The following ZZEF1 variants were observed in gnomAD, a reference collection of about 807,000 sequenced individuals.
ZZEF1 encodes the protein zinc finger ZZ-type and EF-hand domain-containing protein 1.
Under a neutral mutation model 342.8 loss-of-function variants are expected in ZZEF1, and 157 were observed. That is an observed-to-expected ratio of 0.46 (90% CI 0.40 to 0.52). The LOEUF (loss-of-function observed/expected upper bound fraction) is 0.52. Ranked by LOEUF, ZZEF1 falls within the 20% of genes least tolerant of loss-of-function variation. The pLI is 0.00. For missense variants in ZZEF1, 3,480 were observed against 3,725.6 expected, an observed-to-expected ratio of 0.93 and a Z score of 1.72; for synonymous variants, 1,505 against 1,429.1, an observed-to-expected ratio of 1.05 and a Z score of -1.20.
rs770114775 is a variant in ZZEF1 at position 4,074,226 on chromosome 17, C to T, written c.3609G>A (p.Gly1203=). 1 of 1,614,130 alleles carries T rather than the reference C, an allele frequency of 6.2e-7. No individual in the cohort carries two copies. Among genetic ancestry groups the T allele is most frequent in the South Asian group, 1.1e-5 (1 of 91,080 alleles). The change falls in exon 24 of 55, where the codon GGG becomes GGA. Residue 1203 remains glycine, a synonymous_variant. Transcript: ENST00000381638. ...GGGAGACGAGGAGCTGTAAATCCAG[C>T]CCCCAAGACACGGCAACATCGGGCA... ...CGLPDVAVSW[G]LDLQLLVSRL...
chr17:4,086,463 A>G, intron 15 of ZZEF1, 23 bp downstream of exon 15: 1 of 1,613,664 alleles, frequency 6.2e-7, no homozygotes, highest in Non-Finnish European at 8.5e-7. Context: ...GGGTTGTATT[A>G]AAGAGAAAAC....
intron 6 of ZZEF1, among the ~76,000 whole-genome samples, chr17:4,107,718 G>A (rs77459486): frequency 0.025 from 3,815 of 152,292 alleles, 148 homozygotes; most frequent in African/African-American, 0.087. Flanking sequence ...ATCATGGGAA[G>A]CAAGTTTCTT....
chr17:4,087,661 C>T, intron 13 of ZZEF1, 127 bp from the exon 14 acceptor site: 1 of 772,510 alleles, frequency 1.3e-6, no homozygotes. Context: ...TTTCATATTA[C>T]TGATGCTTAC....
At position 4,022,752 on chromosome 17, in the gene ZZEF1, T is replaced by C; in HGVS notation, c.7169A>G (p.Lys2390Arg). Reference protein sequence around the residue: ...LLKLLVKKCSKGTGFSKTWLL... With the variant: ...LLKLLVKKCSRGTGFSKTWLL... ...CCACGTTTTACTAAAGCCAGTCCCT[T>C]TGCTGCACTTTTTCACCAGCAACTT... Residue 2390 changes from lysine (K) to arginine (R), a missense_variant, in exon 44 of 55, where the codon AAA (lysine) becomes AGA (arginine). Around this residue, in one of 5 missense-constraint regions of ZZEF1, gnomAD observed 1,269 missense variants for 1,342.4 expected, o/e 0.95. Coordinates refer to ENST00000381638, the MANE Select transcript of ZZEF1 (RefSeq NM_015113.4). The C allele has an allele frequency of 6.2e-7, 1 of 1,613,884 alleles. No homozygotes were observed. The highest frequency in any genetic ancestry group is 1.7e-5 in the Admixed American group (1 of 59,974).
intron 12 of ZZEF1, 64 bp from the exon 13 acceptor site, chr17:4,088,957 G>A: frequency 6.6e-7 from 1 of 1,513,048 alleles, no homozygotes; most frequent in Non-Finnish European, 9.0e-7. Context: ...ATTAAAGAGG[G>A]AAAAAGGCCT....
chr17:4,078,751 G>A (rs969918920), intron 18 of ZZEF1, among the ~76,000 whole-genome samples: 8 of 152,210 alleles, frequency 5.3e-5, no homozygotes, highest in Non-Finnish European at 8.8e-5. Flanking sequence ...CCTCAAGACT[G>A]TGCTTTTTTA....
At position 4,054,126 on chromosome 17, in the gene ZZEF1, T is replaced by C; in HGVS notation, c.5365A>G (p.Ile1789Val). 1.9e-6 allele frequency: 3 copies of C among 1,613,710 alleles called. No homozygotes were observed. The highest frequency in any genetic ancestry group is 2.5e-6 in the Non-Finnish European group (3 of 1,179,812). Residue 1789 changes from isoleucine to valine, a missense_variant, in exon 34 of 55, where the codon ATT (isoleucine) becomes GTT (valine). By Grantham distance (29) the Ile-to-Val change is conservative. This residue lies in a region of ZZEF1 where 175 missense variants were observed against 254.6 expected (regional missense o/e 0.69). Coordinates refer to ENST00000381638, the MANE Select transcript of ZZEF1 (RefSeq NM_015113.4). ...VDISCDGCDEIAPWHRYRCLQ... is the reference protein window; with the variant it reads ...VDISCDGCDEVAPWHRYRCLQ... The stretch of plus-strand genomic sequence containing the variant: ...CAGCGGTATCGATGCCAGGGGGCAA[T>C]CTCATCACACCCATCACAAGAGATG...
At chr17:4,015,434 ACTCC>A (rs2056074144) in intron 49 of ZZEF1, among the ~76,000 whole-genome samples, 1 of 152,224 alleles carries the variant, frequency 6.6e-6, no homozygotes, top group Non-Finnish European at 1.5e-5. Context: ...TGCCTGGGCA[ACTCC>A]AACATTTCAG....
intron 18 of ZZEF1, among the ~76,000 whole-genome samples, chr17:4,079,712 C>T (rs1236681178): frequency 1.3e-5 from 2 of 152,092 alleles, no homozygotes; most frequent in East Asian, 1.9e-4. Context: ...AACCTAGGCA[C>T]CCTACAGGTG....
chr17:4,066,674 T>C, intron 27 of ZZEF1, 134 bp from the exon 28 acceptor site: 2 of 752,758 alleles, frequency 2.7e-6, no homozygotes, highest in South Asian at 1.7e-5. Context: ...GAGGGGTTTG[T>C]AATACTCACA....
intron 9 of ZZEF1, among the ~76,000 whole-genome samples, chr17:4,097,266 A>G (rs2058052780): frequency 6.6e-6 from 1 of 151,486 alleles, no homozygotes; most frequent in Non-Finnish European, 1.5e-5. Context: ...AAAAAAAAGA[A>G]AAAGAAAAAG....
chr17:4,102,896 T>A (rs1428977084), intron 8 of ZZEF1, among the ~76,000 whole-genome samples: 3 of 151,492 alleles, frequency 2.0e-5, no homozygotes, highest in African/African-American at 4.9e-5. Context: ...CAAAAAAAAA[T>A]ATATATTTAT....
intron 5 of ZZEF1, among the ~76,000 whole-genome samples, chr17:4,111,275 C>A (rs973535256): frequency 2.6e-5 from 4 of 152,218 alleles, no homozygotes; most frequent in South Asian, 4.2e-4. Flanking sequence ...GGATCCACAT[C>A]AAGGCAATCA....
chr17:4,115,883 T>C (rs769896796), intron 3 of ZZEF1, among the ~76,000 whole-genome samples: 3 of 152,234 alleles, frequency 2.0e-5, no homozygotes, highest in Non-Finnish European at 4.4e-5. Context: ...TTTTCTTTCA[T>C]AGATTCTGGG....
intron 52 of ZZEF1, among the ~76,000 whole-genome samples, chr17:4,011,715 C>CT (rs2055963438): frequency 6.6e-6 from 1 of 151,852 alleles, no homozygotes; most frequent in African/African-American, 2.4e-5. Flanking sequence ...AAAAAAATTG[C>CT]TTTTTCTCTT....
rs564530034 is a variant in ZZEF1 at position 4,096,261 on chromosome 17, T to C, written c.1765-282A>G. Among the ~76,000 whole-genome samples, 81 of 152,062 alleles carry C rather than the reference T, an allele frequency of 5.3e-4. 1 individual carries two copies. The highest frequency in any genetic ancestry group is 9.9e-4 in the Non-Finnish European group (67 of 68,010). On this transcript the variant is annotated intron_variant, in intron 10 of 54. Transcript: ENST00000381638. Reference sequence around the variant, plus strand: ...TGACACAGAGTAAATCATCATTAAATGTTCAATGAATAACCAATGACATGG... The same window carrying C: ...TGACACAGAGTAAATCATCATTAAACGTTCAATGAATAACCAATGACATGG...
intron 1 of ZZEF1, among the ~76,000 whole-genome samples, chr17:4,139,461 AT>A (rs1286418643): frequency 6.6e-6 from 1 of 152,270 alleles, no homozygotes; most frequent in Non-Finnish European, 1.5e-5. Flanking sequence ...CTATAAAGAC[AT>A]TACTTCACAA....
intron 37 of ZZEF1, among the ~76,000 whole-genome samples, chr17:4,046,232 T>C (rs1304557913): frequency 6.6e-6 from 1 of 152,234 alleles, no homozygotes; most frequent in Non-Finnish European, 1.5e-5. Flanking sequence ...TGGGAGACTT[T>C]TCTAGAATCA....
At position 4,039,903 on chromosome 17, in the gene ZZEF1, CA is replaced by C. The variant is rs199983193; in HGVS notation, c.6306+2525del. On this transcript the variant is annotated intron_variant, in intron 39 of 54. Transcript: ENST00000381638. ...TCATGATCTGCCCGCCTTGGCCTCCCAAAGTGCTGGGATTACAGGCGTGAGC... is the reference window on the plus strand; with the variant it reads ...TCATGATCTGCCCGCCTTGGCCTCCCAAGTGCTGGGATTACAGGCGTGAGC... Among the ~76,000 whole-genome samples the C allele has an allele frequency of 8.3e-3, 1,263 of 152,162 alleles. 16 individuals carry two copies. The highest frequency in any genetic ancestry group is 0.029 in the African/African-American group (1,208 of 41,514).
Sources: gnomAD v4.1 joint callset for allele counts (sites outside exome capture counted in the v4.1 genomes callset) on GRCh38, gnomAD v4.1.1 for gene constraint, gnomAD v4.1.1 regional missense constraint, MANE v1.5 for transcripts, NCBI Gene and HGNC (gene_info 2026-07-23, HGNC 2026-07-21) for gene names.